Variants in CTNNA3 observed in about 807,000 individuals in gnomAD.
CTNNA3 encodes catenin alpha 3, also known as catenin alpha-3.
A neutral mutation model predicts 95.7 loss-of-function variants in CTNNA3; 76 were observed. The ratio of observed to expected loss-of-function variants is 0.79; its 90% CI spans 0.66 to 0.96. The LOEUF is 0.96. Among genes scored for constraint, CTNNA3 ranks in the 40% least tolerant of loss-of-function variants. CTNNA3 has a pLI of 0.00. For synonymous variants in CTNNA3, 431 were observed against 374.4 expected (o/e 1.15, Z -1.74); for missense variants, 1,191 against 1,089.8 (o/e 1.09, Z -1.31).
At chr10:65,961,959 G>C (rs1589181462) in intron 17 of CTNNA3, among the ~76,000 whole-genome samples, 1 of 152,210 alleles carries the variant, frequency 6.6e-6, no homozygotes, top group South Asian at 2.1e-4. Context: ...AAAAGTGCCT[G>C]ATTCCCTGGT....
chr10:67,481,908 C>G (rs1452283870), intron 5 of CTNNA3, among the ~76,000 whole-genome samples: 2 of 151,812 alleles, frequency 1.3e-5, no homozygotes, highest in African/African-American at 4.9e-5. Context: ...TTTAATCCAT[C>G]GTGAATTGAT....
At position 66,723,699 on chromosome 10, in the gene CTNNA3, C is replaced by A. The variant is rs535297739; in HGVS notation, c.1281+42565G>T. Among the ~76,000 whole-genome samples, 7 of 152,230 alleles carry A rather than the reference C, an allele frequency of 4.6e-5. No individual in the cohort carries two copies. In the South Asian group the frequency reaches 1.5e-3, roughly 32 times the overall value. ...TGTGTTGTCTCTTAACTGCCCATTG[C>A]CAGCAATAGGTTTTGCTCTATATAG... On this transcript the variant is annotated intron_variant, in intron 9 of 17. Transcript: ENST00000433211.
chr10:66,878,340 C>T (rs185852110), intron 7 of CTNNA3, among the ~76,000 whole-genome samples: 8 of 152,194 alleles, frequency 5.3e-5, no homozygotes, highest in South Asian at 2.1e-4. Context: ...ACTATTGAAA[C>T]GAGGCATCAC....
chr10:66,506,173 G>A (rs570402311), intron 11 of CTNNA3, among the ~76,000 whole-genome samples: 2 of 152,070 alleles, frequency 1.3e-5, no homozygotes, highest in Non-Finnish European at 2.9e-5. Flanking sequence ...TTACCAAGAG[G>A]ATTGCTCCAA....
intron 9 of CTNNA3, among the ~76,000 whole-genome samples, chr10:66,762,744 T>C (rs1055810630): frequency 2.0e-5 from 3 of 152,070 alleles, no homozygotes; most frequent in Non-Finnish European, 4.4e-5. Flanking sequence ...TTTTCTGCTT[T>C]GTGTTTAGTC....
At chr10:67,398,814 AG>A (rs1206181396) in intron 5 of CTNNA3, among the ~76,000 whole-genome samples, 1 of 152,066 alleles carries the variant, frequency 6.6e-6, no homozygotes, top group Non-Finnish European at 1.5e-5. Context: ...TGGTTTTATA[AG>A]GGGCTTTTCC....
At chr10:66,111,379 G>A (rs1209739406) in intron 13 of CTNNA3, among the ~76,000 whole-genome samples, 1 of 152,142 alleles carries the variant, frequency 6.6e-6, no homozygotes, top group African/African-American at 2.4e-5. Flanking sequence ...AAATTACCCA[G>A]TCTTAGGTAG....
intron 7 of CTNNA3, among the ~76,000 whole-genome samples, chr10:67,112,242 A>T (rs1432005778): frequency 6.6e-6 from 1 of 152,098 alleles, no homozygotes; most frequent in South Asian, 2.1e-4. Context: ...TTCCATTAAA[A>T]TTTCTTCTTT....
chr10:67,340,814 C>A (rs2085219498), intron 5 of CTNNA3, among the ~76,000 whole-genome samples: 1 of 152,072 alleles, frequency 6.6e-6, no homozygotes, highest in Non-Finnish European at 1.5e-5. Context: ...TAGTATTACA[C>A]TTTGAAAAGG....
At chr10:66,589,796 A>T (rs1843484109) in intron 10 of CTNNA3, among the ~76,000 whole-genome samples, 1 of 152,150 alleles carries the variant, frequency 6.6e-6, no homozygotes, top group Non-Finnish European at 1.5e-5. Flanking sequence ...AGATCACTTA[A>T]AAACAGTGTT....
At chr10:67,698,054 C>A (rs1023674182), upstream of CTNNA3, among the ~76,000 whole-genome samples, 2 of 152,212 alleles carry the variant, frequency 1.3e-5, no homozygotes, top group African/African-American at 4.8e-5. Context: ...ACAGCCCCTG[C>A]ATTTTGCATC....
chr10:66,145,849 A>C (rs1210166896), intron 13 of CTNNA3, among the ~76,000 whole-genome samples: 1 of 152,070 alleles, frequency 6.6e-6, no homozygotes, highest in African/African-American at 2.4e-5. Context: ...TCACTCACTA[A>C]GTGGCTTTCC....
chr10:67,428,973 C>T (rs1281197601), intron 5 of CTNNA3, among the ~76,000 whole-genome samples: 1 of 151,918 alleles, frequency 6.6e-6, no homozygotes, highest in Non-Finnish European at 1.5e-5. Flanking sequence ...TATATATATC[C>T]TATTAGTTCT....
intron 15 of CTNNA3, among the ~76,000 whole-genome samples, chr10:66,014,025 C>T (rs1356209604): frequency 1.3e-5 from 2 of 152,112 alleles, no homozygotes; most frequent in Non-Finnish European, 1.5e-5. Flanking sequence ...TCAGTAATAA[C>T]AACTTGTGAA....
chr10:66,051,637 T>A (rs1441551842), intron 15 of CTNNA3, among the ~76,000 whole-genome samples: 1 of 152,252 alleles, frequency 6.6e-6, no homozygotes, highest in African/African-American at 2.4e-5. Context: ...CAAGTGAGGA[T>A]AAATTGTAAT....
At chr10:66,929,828 A>G (rs1847272022) in intron 7 of CTNNA3, among the ~76,000 whole-genome samples, 1 of 152,216 alleles carries the variant, frequency 6.6e-6, no homozygotes, top group Non-Finnish European at 1.5e-5. Flanking sequence ...TATTTGAGTA[A>G]CTTGAACCAC....
intron 9 of CTNNA3, among the ~76,000 whole-genome samples, chr10:66,711,762 C>T (rs938965580): frequency 6.6e-6 from 1 of 151,836 alleles, no homozygotes; most frequent in East Asian, 1.9e-4. Context: ...TGTCTGGTCT[C>T]GAAATCCTGG....
intron 7 of CTNNA3, among the ~76,000 whole-genome samples, chr10:66,980,676 A>G (rs372719712): frequency 1.3e-5 from 2 of 152,146 alleles, no homozygotes; most frequent in African/African-American, 4.8e-5. Context: ...TTGTCACTTC[A>G]GTTTTCAGTA....
intron 15 of CTNNA3, among the ~76,000 whole-genome samples, chr10:66,059,413 GAGTATA>G (rs2080151068): frequency 6.6e-6 from 1 of 152,130 alleles, no homozygotes; most frequent in African/African-American, 2.4e-5. Flanking sequence ...TCAGATGCCT[GAGTATA>G]AGTAGACTCA....
Sources: gnomAD v4.1 joint callset for allele counts (sites outside exome capture counted in the v4.1 genomes callset) on GRCh38, gnomAD v4.1.1 for gene constraint, MANE v1.5 for transcripts, NCBI Gene and HGNC (gene_info 2026-07-23, HGNC 2026-07-21) for gene names.